EPB41L4A: variants seen among roughly 807,000 people sequenced by gnomAD.
The protein encoded by EPB41L4A is band 4.1-like protein 4A.
In EPB41L4A, 100 loss-of-function variants were observed where a neutral mutation model predicts 108.6. The observed-to-expected ratio is 0.92, with a 90% CI of 0.78 to 1.09. The LOEUF is 1.09. EPB41L4A is among the 50% of genes least tolerant of loss of function. The pLI is 0.00. For synonymous variants in EPB41L4A, 319 were observed against 289.0 expected (o/e 1.10, Z -1.05); for missense variants, 1,030 against 842.7 (o/e 1.22, Z -2.75).
intron 2 of EPB41L4A, among the ~76,000 whole-genome samples, chr5:112,294,072 A>G (rs947235740): frequency 1.3e-5 from 2 of 152,188 alleles, no homozygotes; most frequent in African/African-American, 4.8e-5. Flanking sequence ...TATACCTCTA[A>G]CCAGACAAGA....
At position 112,264,981 on chromosome 5, in the gene EPB41L4A, C is replaced by A; in HGVS notation, c.469G>T (p.Ala157Ser). 1 of 1,610,428 alleles carries A rather than the reference C, an allele frequency of 6.2e-7. No homozygotes were observed. The highest frequency in any genetic ancestry group is 1.1e-5 in the South Asian group (1 of 90,428). Residue 157 changes from alanine (A) to serine (S), a missense_variant, in exon 6 of 23, where the codon GCA becomes TCA. Physicochemically the swap from Ala to Ser is moderately conservative, Grantham distance 99. Coordinates refer to ENST00000261486, the MANE Select transcript of EPB41L4A (RefSeq NM_022140.5). ...AACCGGTACTCAGATACATATCCTG[C>A]AGTATGTTTATATGGGTCATAATCT... The part of the protein sequence containing the change: ...LGDYDPYKHT[A>S]GYVSEYRFVP...
At chr5:112,412,294 G>C (rs1012475944) in intron 1 of EPB41L4A, among the ~76,000 whole-genome samples, 1 of 152,214 alleles carries the variant, frequency 6.6e-6, no homozygotes, top group African/African-American at 2.4e-5. Context: ...TGGAAGGGCT[G>C]CAGGCCCTTT....
intron 1 of EPB41L4A, among the ~76,000 whole-genome samples, chr5:112,415,777 G>A (rs753644267): frequency 1.3e-5 from 2 of 152,152 alleles, no homozygotes; most frequent in Non-Finnish European, 2.9e-5. Context: ...AAAAGCTATT[G>A]TAGGGCTCAA....
At chr5:112,186,458 C>T (rs1340522956) in intron 17 of EPB41L4A, among the ~76,000 whole-genome samples, 1 of 152,110 alleles carries the variant, frequency 6.6e-6, no homozygotes, top group Non-Finnish European at 1.5e-5. Context: ...GTAATAAGGA[C>T]CAAATCAGAA....
At chr5:112,206,219 A>T (rs2150302312) in intron 13 of EPB41L4A, among the ~76,000 whole-genome samples, 1 of 152,328 alleles carries the variant, frequency 6.6e-6, no homozygotes, top group South Asian at 2.1e-4. Flanking sequence ...TCTTAGCTTA[A>T]GATAAAGATA....
intron 13 of EPB41L4A, 24 bp downstream of exon 13, chr5:112,209,868 G>C (rs754666159): frequency 1.5e-5 from 21 of 1,426,142 alleles, no homozygotes; most frequent in Non-Finnish European, 2.0e-5. Context: ...ATAATTGTAC[G>C]TTTCTTCAGT....
intron 12 of EPB41L4A, among the ~76,000 whole-genome samples, chr5:112,213,856 A>G (rs562874933): frequency 6.6e-6 from 1 of 152,334 alleles, no homozygotes; most frequent in East Asian, 1.9e-4. Flanking sequence ...TCATTAGGCA[A>G]TATGTTTTAG....
chr5:112,257,635 A>G (rs1297104150), intron 9 of EPB41L4A, among the ~76,000 whole-genome samples: 3 of 152,224 alleles, frequency 2.0e-5, no homozygotes, highest in Admixed American at 2.0e-4. Flanking sequence ...GTAGACATAT[A>G]TTTTAAGGCA....
chr5:112,415,107 T>C (rs772256094), intron 1 of EPB41L4A, among the ~76,000 whole-genome samples: 3 of 152,204 alleles, frequency 2.0e-5, no homozygotes, highest in Non-Finnish European at 4.4e-5. Context: ...TTAGTCCAAA[T>C]TGAATGAAAA....
downstream of EPB41L4A, among the ~76,000 whole-genome samples, chr5:112,159,901 CT>C (rs540095907): frequency 0.073 from 9,561 of 130,204 alleles, 280 homozygotes; most frequent in East Asian, 0.21. Context: ...TTTCTTTTTA[CT>C]TTTTTTTTTT....
At chr5:112,188,000 T>A (rs1156916412) in intron 17 of EPB41L4A, among the ~76,000 whole-genome samples, 2 of 152,230 alleles carry the variant, frequency 1.3e-5, no homozygotes, top group Non-Finnish European at 2.9e-5. Context: ...CCTTTCTAGC[T>A]TTAAAACTTG....
intron 1 of EPB41L4A, among the ~76,000 whole-genome samples, chr5:112,410,418 G>T (rs721055): frequency 0.089 from 13,553 of 152,158 alleles, 1,957 homozygotes; most frequent in African/African-American, 0.3. Context: ...GCAGGGATTA[G>T]GAGGCCCTGC....
intron 1 of EPB41L4A, among the ~76,000 whole-genome samples, chr5:112,405,580 G>C (rs1762030219): frequency 6.6e-6 from 1 of 151,998 alleles, no homozygotes. Context: ...AGGTGATTGG[G>C]GATGCTATAT....
rs779754083 is a variant in EPB41L4A at position 112,265,024 on chromosome 5, A to G, written c.434-8T>C. 3 of 1,555,920 alleles carry G rather than the reference A, an allele frequency of 1.9e-6. No homozygotes were observed. Among genetic ancestry groups the G allele is most frequent in the South Asian group, 1.3e-5 (1 of 79,104 alleles). ...CATAATCTCCAAGCTCCGCTAAAAA[A>G]GAAAGATAACATAGTTTTTTCCATT... On this transcript the variant is annotated splice_region_variant and splice_polypyrimidine_tract_variant and intron_variant, in intron 5 of 22. Transcript: ENST00000261486.
At chr5:112,156,463 T>C (rs1337709445) in intron 12 of EPB41L4A, among the ~76,000 whole-genome samples, 1 of 151,352 alleles carries the variant, frequency 6.6e-6, no homozygotes, top group Non-Finnish European at 1.5e-5. Flanking sequence ...GCTGATAGAG[T>C]CAGGCAGACA....
At chr5:112,401,145 T>G (rs1434036760) in intron 1 of EPB41L4A, among the ~76,000 whole-genome samples, 3 of 152,178 alleles carry the variant, frequency 2.0e-5, no homozygotes, top group Admixed American at 1.3e-4. Context: ...CTGTCCCCTA[T>G]CTATGAGAGG....
intron 12 of EPB41L4A, among the ~76,000 whole-genome samples, chr5:112,227,149 C>A (rs1748519222): frequency 6.6e-6 from 1 of 152,102 alleles, no homozygotes; most frequent in South Asian, 2.1e-4. Context: ...TATGCTCTGA[C>A]TGGCCCAGTT....
At chr5:112,209,417 A>C (rs1399131062) in intron 13 of EPB41L4A, among the ~76,000 whole-genome samples, 1 of 152,262 alleles carries the variant, frequency 6.6e-6, no homozygotes, top group African/African-American at 2.4e-5. Flanking sequence ...GCAGAGGACC[A>C]TGACAAGTCT....
intron 2 of EPB41L4A, among the ~76,000 whole-genome samples, chr5:112,298,561 T>C (rs1308512462): frequency 6.6e-6 from 1 of 152,228 alleles, no homozygotes; most frequent in African/African-American, 2.4e-5. Flanking sequence ...GATTATCTTT[T>C]GTATATGCTG....
Sources: gnomAD v4.1 joint callset for allele counts (sites outside exome capture counted in the v4.1 genomes callset) on GRCh38, gnomAD v4.1.1 for gene constraint, MANE v1.5 for transcripts, NCBI Gene and HGNC (gene_info 2026-07-23, HGNC 2026-07-21) for gene names.